Variants in KDR observed in about 807,000 individuals in gnomAD.
KDR encodes kinase insert domain receptor.
KDR carries 43 observed loss-of-function variants against 160.9 expected under a neutral mutation model. The ratio of observed to expected loss-of-function variants is 0.27; its 90% CI spans 0.21 to 0.34. KDR has a LOEUF of 0.34. Ranked by LOEUF, KDR falls within the 10% of genes least tolerant of loss-of-function variation. The pLI is 1.00. For synonymous variants in KDR, 617 were observed against 600.1 expected (o/e 1.03, Z -0.41); for missense variants, 1,469 against 1,666.4 (o/e 0.88, Z 2.06).
rs555410041 is a variant in KDR at position 55,117,767 on chromosome 4, A to AAAATATTTG, written c.358+828_358+836dup. On this transcript the variant is annotated intron_variant, in intron 3 of 29. Coordinates refer to ENST00000263923, the MANE Select transcript of KDR (RefSeq NM_002253.4). ...TGTCTGTTTATCTTCACTGAAAAGA[A>AAAATATTTG]AAATATTTGGTACATCCAACCAAAC... Among the ~76,000 whole-genome samples, 128 of 152,342 alleles carry AAAATATTTG rather than the reference A, an allele frequency of 8.4e-4. 1 individual carries two copies. Among genetic ancestry groups the AAAATATTTG allele is most frequent in the Middle Eastern group, 3.4e-3 (1 of 294 alleles).
intron 27 of KDR, among the ~76,000 whole-genome samples, chr4:55,084,714 C>T (rs569882047): frequency 6.6e-6 from 1 of 152,272 alleles, no homozygotes; most frequent in East Asian, 1.9e-4. Context: ...TTTTACTCTA[C>T]TCCATACAGA....
At chr4:55,114,074 G>T in intron 6 of KDR, 52 bp downstream of exon 6, 1 of 1,607,484 alleles carries the variant, frequency 6.2e-7, no homozygotes, top group Middle Eastern at 1.7e-4. Context: ...AAACTTCACT[G>T]GGGCTTATTA....
chr4:55,123,968 C>T (rs1271515978), intron 1 of KDR, among the ~76,000 whole-genome samples: 1 of 152,252 alleles, frequency 6.6e-6, no homozygotes, highest in East Asian at 1.9e-4. Context: ...AAGCAACTCA[C>T]TTCTTTGTGG....
chr4:55,110,668 G>A lies in KDR; in HGVS notation c.1077C>T (p.Pro359=), dbSNP rs768879944. Residue 359 remains proline (P), a synonymous_variant, in exon 8 of 30, where the codon CCC becomes CCT. Coordinates refer to ENST00000263923, the MANE Select transcript of KDR (RefSeq NM_002253.4). ...RIPAKYLGYP[P]PEIKWYKNGI... ...CCAGTAGTTACCATTTTATTTCTGGGGGTGGGTAACCAAGGTACTTCGCAG... is the reference window on the plus strand; with the variant it reads ...CCAGTAGTTACCATTTTATTTCTGGAGGTGGGTAACCAAGGTACTTCGCAG... 1.2e-6 allele frequency: 2 copies of A among 1,613,644 alleles called. No individual in the cohort carries two copies. Among genetic ancestry groups the A allele is most frequent in the Non-Finnish European group, 1.7e-6 (2 of 1,179,802 alleles).
At chr4:55,114,382 C>A in intron 5 of KDR, 117 bp from the exon 6 acceptor site, 1 of 1,063,154 alleles carries the variant, frequency 9.4e-7, no homozygotes. Flanking sequence ...TTTTTCCCTG[C>A]AGGCCTCACC....
chr4:55,097,390 C>T (rs908951470), intron 18 of KDR, among the ~76,000 whole-genome samples: 2 of 152,022 alleles, frequency 1.3e-5, no homozygotes, highest in African/African-American at 4.8e-5. Context: ...TACCCAGAAC[C>T]ACTAAGTACA....
rs754684490 is a variant in KDR at position 55,088,946 on chromosome 4, G to C, written c.3432C>G (p.His1144Gln). The change falls in exon 26 of 30, where the codon CAC (histidine) becomes CAG (glutamine). Residue 1144 changes from histidine (H) to glutamine (Q), a missense_variant. By Grantham distance (24) the His-to-Gln change is conservative (BLOSUM62 0). This residue lies in a region of KDR where 132 missense variants were observed against 195.9 expected (regional missense o/e 0.67). Coordinates refer to ENST00000263923, the MANE Select transcript of KDR (RefSeq NM_002253.4). Reference sequence around the variant, plus strand: ...ACGTGGGTCTCTGACTGGGCTCCCCGTGCCAGCAGTCCAGCATGGTCTGGT... The same window carrying C: ...ACGTGGGTCTCTGACTGGGCTCCCCCTGCCAGCAGTCCAGCATGGTCTGGT... ...EMYQTMLDCW[H>Q]GEPSQRPTFS... The C allele has an allele frequency of 6.2e-7, 1 of 1,613,890 alleles. No homozygotes were observed. The highest frequency in any genetic ancestry group is 8.5e-7 in the Non-Finnish European group (1 of 1,179,800).
At chr4:55,095,983 C>T (rs1304817043) in intron 19 of KDR, among the ~76,000 whole-genome samples, 1 of 152,172 alleles carries the variant, frequency 6.6e-6, no homozygotes, top group Non-Finnish European at 1.5e-5. Context: ...TTACTCTTCT[C>T]TGGACATCTG....
intron 28 of KDR, 93 bp from the exon 29 acceptor site, chr4:55,082,134 C>T (rs1719750810): frequency 1.1e-6 from 1 of 935,060 alleles, no homozygotes. Flanking sequence ...TCTATCATGT[C>T]TATCAAATAA....
At chr4:55,089,609 G>A (rs1719956702) in intron 24 of KDR, 82 bp downstream of exon 24, 1 of 1,381,052 alleles carries the variant, frequency 7.2e-7, no homozygotes, top group Non-Finnish European at 1.0e-6. Context: ...TTGCCTGATA[G>A]ACATGAAGTA....
intron 27 of KDR, among the ~76,000 whole-genome samples, chr4:55,083,688 T>C (rs947397324): frequency 8.5e-5 from 13 of 152,082 alleles, no homozygotes; most frequent in South Asian, 2.1e-4. Flanking sequence ...TTCATTCCTA[T>C]ACCAGCCTAC....
At chr4:55,104,605 A>G (rs759838411) in intron 13 of KDR, 38 bp downstream of exon 13, 1 of 1,531,298 alleles carries the variant, frequency 6.5e-7, no homozygotes, top group South Asian at 1.1e-5. Context: ...AAGGCATTCC[A>G]ACTGCCTCTG....
At chr4:55,095,785 G>A in intron 19 of KDR, 120 bp from the exon 20 acceptor site, 2 of 738,406 alleles carry the variant, frequency 2.7e-6, no homozygotes, top group Non-Finnish European at 4.9e-6. Flanking sequence ...CATTGGGACA[G>A]GAGTGTAGAA....
At chr4:55,085,466 G>A (rs189400439) in intron 27 of KDR, among the ~76,000 whole-genome samples, 7 of 152,314 alleles carry the variant, frequency 4.6e-5, no homozygotes, top group South Asian at 2.1e-4. Context: ...CCAGAAATGC[G>A]TAAGAGGATA....
chr4:55,111,229 T>C (rs1720575133), intron 7 of KDR, among the ~76,000 whole-genome samples: 1 of 152,202 alleles, frequency 6.6e-6, no homozygotes, highest in Admixed American at 6.5e-5. Context: ...AAATGTGTTA[T>C]CTTCTGCCCT....
Position 55,078,951 on chromosome 4 carries a change from A to G in KDR, c.*990T>C, listed in dbSNP as rs1386123255. On this transcript the variant is annotated 3_prime_UTR_variant, in exon 30 of 30. Coordinates refer to ENST00000263923, the MANE Select transcript of KDR (RefSeq NM_002253.4). ...AGAGTGGGTTGGGGACAGGGGGAAG[A>G]ACAAAAGGGTAAAATCCTTCCTGAA... 1 of 233,220 alleles carries G rather than the reference A, an allele frequency of 4.3e-6. No homozygotes were observed. Among genetic ancestry groups the G allele is most frequent in the Non-Finnish European group, 8.5e-6 (1 of 118,098 alleles). The allele number at this position is 233,220 out of a possible 1,614,324, so 14.4% of individuals were successfully genotyped here.
In KDR at chr4:55,120,851, C is replaced by T. The variant is rs112589098; in HGVS notation, c.161+246G>A. 3.6e-4 allele frequency among the ~76,000 whole-genome samples: 54 copies of T among 150,050 alleles called. No homozygotes were observed. In the East Asian group the frequency reaches 6.3e-3, roughly 17 times the overall value. ...GTGGGTGTGGGTGTGTATTTGTGTG[C>T]GTGTGTGTGTGTGTGTGTGTATGCA... On this transcript the variant is annotated intron_variant, in intron 2 of 29. Transcript: ENST00000263923.
intron 1 of KDR, 94 bp from the exon 2 acceptor site, chr4:55,121,284 A>G: frequency 1.2e-6 from 1 of 831,482 alleles, no homozygotes; most frequent in Admixed American, 1.9e-5. Context: ...ATACTTTAAA[A>G]GGCCTCTTCA....
rs1357291450 is a variant in KDR at position 55,078,543 on chromosome 4, T to C, written c.*1398A>G. The stretch of plus-strand genomic sequence containing the variant: ...ATTGCTGAAAGCATTATGACCTTTG[T>C]TATGCTACATAATACTGATACAAAA... On this transcript the variant is annotated 3_prime_UTR_variant, in exon 30 of 30. Coordinates refer to ENST00000263923, the MANE Select transcript of KDR (RefSeq NM_002253.4). 4 of 232,520 alleles carry C rather than the reference T, an allele frequency of 1.7e-5. No individual in the cohort carries two copies. Among genetic ancestry groups the C allele is most frequent in the Non-Finnish European group, 3.4e-5 (4 of 117,670 alleles). 14.4% of individuals were successfully genotyped at this position (232,520 alleles called of 1,614,324 possible).
Sources: allele counts gnomAD v4.1 joint callset (sites outside exome capture counted in the v4.1 genomes callset), GRCh38; gene constraint gnomAD v4.1.1; regional missense constraint gnomAD v4.1.1; transcripts MANE v1.5; gene names NCBI Gene and HGNC (gene_info 2026-07-23, HGNC 2026-07-21).